WWTR1: variants seen among roughly 807,000 people sequenced by gnomAD.
The protein encoded by WWTR1 is WW domain containing transcription regulator 1, also known as WW domain-containing transcription regulator protein 1.
Under a neutral mutation model 40.1 loss-of-function variants are expected in WWTR1, and 13 were observed. The ratio of observed to expected loss-of-function variants is 0.32; its 90% CI spans 0.21 to 0.52. The LOEUF (loss-of-function observed/expected upper bound fraction) is 0.52, where lower values mean the gene tolerates loss of function less well. Ranked by LOEUF, WWTR1 falls within the 20% of genes least tolerant of loss-of-function variation. The pLI is 0.97. For synonymous variants in WWTR1, 230 were observed against 210.1 expected (o/e 1.09, Z -0.82); for missense variants, 436 against 523.1 (o/e 0.83, Z 1.63).
Position 149,517,967 on chromosome 3 carries a change from CA to C in WWTR1, c.*2837del, listed in dbSNP as rs1394312281. The C allele has an allele frequency of 6.6e-6, 1 of 152,014 alleles. No individual in the cohort carries two copies. The allele number at this position is 152,014 out of a possible 1,614,324, so 9.4% of individuals were successfully genotyped here. Reference sequence around the variant, plus strand: ...AGACTAGTACTAAGAAGACTAAAGACAGTTATCTTATAATAAGAAATATAGT... The same window carrying C: ...AGACTAGTACTAAGAAGACTAAAGACGTTATCTTATAATAAGAAATATAGT... On this transcript the variant is annotated 3_prime_UTR_variant, in exon 7 of 7. Coordinates refer to ENST00000360632, the MANE Select transcript of WWTR1 (RefSeq NM_015472.6).
chr3:149,575,989 G>T (rs1185208035), intron 2 of WWTR1: 1 of 456,620 alleles, frequency 2.2e-6, no homozygotes, highest in African/African-American at 2.0e-5. Flanking sequence ...CACATTTAAA[G>T]GAGTTTTGTT....
intron 2 of WWTR1, among the ~76,000 whole-genome samples, chr3:149,606,241 C>T (rs1431294382): frequency 6.6e-6 from 1 of 152,210 alleles, no homozygotes; most frequent in African/African-American, 2.4e-5. Context: ...GTAGCCTGGA[C>T]AGACTGAGAA....
chr3:149,724,672 A>T (rs1466161695), intron 3 of WWTR1: 10 of 152,180 alleles, frequency 6.6e-5, no homozygotes, highest in Non-Finnish European at 1.5e-4. Flanking sequence ...CCCTTCTAAA[A>T]GGTAGATTCT....
At chr3:149,601,706 AATT>A in intron 2 of WWTR1, among the ~76,000 whole-genome samples, 1 of 64,448 alleles carries the variant, frequency 1.6e-5, no homozygotes, top group African/African-American at 5.9e-5. Flanking sequence ...ATATGAAAAA[AATT>A]ATTTTTTTTT....
chr3:149,610,580 C>T (rs190013612), intron 2 of WWTR1, among the ~76,000 whole-genome samples: 2 of 152,288 alleles, frequency 1.3e-5, no homozygotes. Flanking sequence ...AGTAGTTGCT[C>T]AAAGAAGTGG....
chr3:149,582,517 G>A (rs35902139), intron 2 of WWTR1, among the ~76,000 whole-genome samples: 1 of 151,698 alleles, frequency 6.6e-6, no homozygotes, highest in African/African-American at 2.4e-5. Context: ...CTTGAGCATA[G>A]GAGTTCAAGG....
At chr3:149,535,194 T>C (rs1215464384) in intron 4 of WWTR1, among the ~76,000 whole-genome samples, 1 of 151,684 alleles carries the variant, frequency 6.6e-6, no homozygotes, top group Non-Finnish European at 1.5e-5. Context: ...GAAGATTGGA[T>C]TGTTTTAATT....
At chr3:149,574,176 A>C (rs759595895) in intron 2 of WWTR1, among the ~76,000 whole-genome samples, 1 of 152,002 alleles carries the variant, frequency 6.6e-6, no homozygotes, top group Non-Finnish European at 1.5e-5. Context: ...GACCACAGGC[A>C]CCTGCGACCA....
chr3:149,578,710 G>C (rs34468416), intron 2 of WWTR1, among the ~76,000 whole-genome samples: 27,580 of 151,940 alleles, frequency 0.18, 2,703 homozygotes, highest in Non-Finnish European at 0.2. Flanking sequence ...CTAGCCTGGC[G>C]AACATGGAGA....
intron 2 of WWTR1, among the ~76,000 whole-genome samples, chr3:149,627,177 G>A (rs1740582672): frequency 6.6e-6 from 1 of 152,044 alleles, no homozygotes. Context: ...TTTACCTATT[G>A]TTTATTTGAA....
At chr3:149,616,891 A>G (rs1740000938) in intron 2 of WWTR1, among the ~76,000 whole-genome samples, 1 of 152,192 alleles carries the variant, frequency 6.6e-6, no homozygotes, top group Non-Finnish European at 1.5e-5. Flanking sequence ...AGCACAAACT[A>G]GAAGCTTAAA....
chr3:149,567,634 A>G (rs1324388768), intron 3 of WWTR1, among the ~76,000 whole-genome samples: 1 of 152,236 alleles, frequency 6.6e-6, no homozygotes, highest in Non-Finnish European at 1.5e-5. Context: ...AAAGGGGAGG[A>G]AAAATGAGGC....
intron 2 of WWTR1, among the ~76,000 whole-genome samples, chr3:149,600,108 T>G (rs1739177459): frequency 6.6e-6 from 1 of 152,244 alleles, no homozygotes; most frequent in Admixed American, 6.5e-5. Flanking sequence ...TATGCAAATA[T>G]GATGACATTG....
chr3:149,562,089 G>A (rs1737107686), intron 3 of WWTR1, among the ~76,000 whole-genome samples: 2 of 152,172 alleles, frequency 1.3e-5, no homozygotes, highest in African/African-American at 4.8e-5. Flanking sequence ...GAGGTCAGGA[G>A]TTCAAGACCG....
intron 1 of WWTR1, among the ~76,000 whole-genome samples, chr3:149,690,740 C>A (rs190072867): frequency 4.5e-4 from 68 of 152,166 alleles, no homozygotes; most frequent in African/African-American, 1.6e-3. Context: ...AAACATCAGA[C>A]TTAATCTGCA....
chr3:149,611,873 C>T (rs924879673), intron 2 of WWTR1, among the ~76,000 whole-genome samples: 2 of 152,186 alleles, frequency 1.3e-5, no homozygotes, highest in Non-Finnish European at 1.5e-5. Flanking sequence ...TGATTGATTA[C>T]TGTGATCAAT....
intron 3 of WWTR1, among the ~76,000 whole-genome samples, chr3:149,545,625 G>A (rs1256359474): frequency 6.6e-6 from 1 of 152,118 alleles, no homozygotes; most frequent in Non-Finnish European, 1.5e-5. Context: ...GGTTTCAAGA[G>A]ATTCTCCTGT....
intron 3 of WWTR1, among the ~76,000 whole-genome samples, chr3:149,564,562 C>A (rs1737225379): frequency 6.6e-6 from 1 of 151,586 alleles, no homozygotes; most frequent in South Asian, 2.1e-4. Context: ...GAGGGAATCA[C>A]CCTTAACTCA....
intron 4 of WWTR1, among the ~76,000 whole-genome samples, chr3:149,536,679 C>T (rs535296568): frequency 2.2e-4 from 33 of 151,940 alleles, no homozygotes; most frequent in Admixed American, 7.9e-4. Flanking sequence ...TCCCTGTTGC[C>T]CCGGCGACCC....
Sources: allele counts gnomAD v4.1 joint callset (sites outside exome capture counted in the v4.1 genomes callset), GRCh38; gene constraint gnomAD v4.1.1; transcripts MANE v1.5; gene names NCBI Gene and HGNC (gene_info 2026-07-23, HGNC 2026-07-21).